Variants in MSH4 observed in about 807,000 individuals in gnomAD.
MSH4 encodes mutS protein homolog 4.
In MSH4, 106 loss-of-function variants were observed where a neutral mutation model predicts 113.7. The observed-to-expected ratio is 0.93, with a 90% CI of 0.80 to 1.10. MSH4 has a LOEUF of 1.10. Ranked by LOEUF, MSH4 falls within the 50% of genes least tolerant of loss-of-function variation. The pLI is 0.00. For missense variants in MSH4, 1,061 were observed against 1,093.7 expected, an observed-to-expected ratio of 0.97 and a Z score of 0.42; for synonymous variants, 368 against 380.2, an observed-to-expected ratio of 0.97 and a Z score of 0.37.
chr1:75,796,882 G>A lies in MSH4; in HGVS notation c.-104G>A, dbSNP rs935099079. 6.5e-7 allele frequency: 1 copy of A among 1,527,498 alleles called. No individual in the cohort carries two copies. The highest frequency in any genetic ancestry group is 8.9e-7 in the Non-Finnish European group (1 of 1,122,174). 94.6% of individuals were successfully genotyped at this position (1,527,498 alleles called of 1,614,324 possible). ...GCGCAGTGCAGCTTAGTGCGTCGGC[G>A]CGCAGTTCTCCCGCCCGTTTCAGCG... On this transcript the variant is annotated 5_prime_UTR_variant, in exon 1 of 20. Transcript: ENST00000263187.
At chr1:75,814,283 T>A (rs1001914355) in intron 4 of MSH4, among the ~76,000 whole-genome samples, 2 of 114,114 alleles carry the variant, frequency 1.8e-5, no homozygotes, top group Middle Eastern at 7.9e-3. Flanking sequence ...TGAGAACTTA[T>A]CTCTGCTCAA....
rs1570945376 is a variant in MSH4, at chr1:75,816,389, G to A, written c.832G>A (p.Ala278Thr). The A allele has an allele frequency of 6.2e-7, 1 of 1,602,556 alleles. No individual in the cohort carries two copies. The highest frequency in any genetic ancestry group is 8.5e-7 in the Non-Finnish European group (1 of 1,173,056). The change falls in exon 6 of 20, where the codon GCT (alanine) becomes ACT (threonine). Residue 278 changes from alanine (A) to threonine (T), a missense_variant. Transcript: ENST00000263187. The stretch of plus-strand genomic sequence containing the variant: ...ATCTTTTAGGTATTACTGCCTTGCA[G>A]CTGTTGCAGCTTTGTTAAAATATGT... ...EVQSKYYCLAAVAALLKYVEF... is the reference protein window; with the variant it reads ...EVQSKYYCLATVAALLKYVEF...
chr1:75,876,741 T>G (rs1651825503), intron 9 of MSH4, among the ~76,000 whole-genome samples, 195 bp from the exon 10 acceptor site: 2 of 152,188 alleles, frequency 1.3e-5, no homozygotes, highest in African/African-American at 4.8e-5. Context: ...ATTAGCCATG[T>G]ACTCTTTATT....
chr1:75,832,642 C>A (rs1047984384), intron 7 of MSH4, among the ~76,000 whole-genome samples: 3 of 152,060 alleles, frequency 2.0e-5, no homozygotes, highest in South Asian at 4.1e-4. Context: ...TACTTTGAAG[C>A]AATATACGTA....
chr1:75,882,533 CT>C (rs1292380817), intron 14 of MSH4, among the ~76,000 whole-genome samples: 1 of 151,744 alleles, frequency 6.6e-6, no homozygotes. Context: ...CTGAAATTTC[CT>C]TTTATACAAA....
In MSH4 at chr1:75,796,884, GCAGTTCTCCCGCCCGTTT is replaced by G. The variant is rs1315795094; in HGVS notation, c.-98_-81del. On this transcript the variant is annotated 5_prime_UTR_variant, in exon 1 of 20. Transcript: ENST00000263187. ...GCAGTGCAGCTTAGTGCGTCGGCGC[GCAGTTCTCCCGCCCGTTT>G]CAGCGGCGCAGCTTCTGTAGTTGGG... 14 of 1,535,338 alleles carry G rather than the reference GCAGTTCTCCCGCCCGTTT, an allele frequency of 9.1e-6. No homozygotes were observed. The highest frequency in any genetic ancestry group is 1.2e-5 in the Non-Finnish European group (14 of 1,128,904).
chr1:75,907,684 C>CTCTCTCTACATA (rs1307238647), intron 19 of MSH4, among the ~76,000 whole-genome samples: 1 of 46,576 alleles, frequency 2.1e-5, no homozygotes, highest in African/African-American at 9.9e-5. Flanking sequence ...CTCTCTCTCT[C>CTCTCTCTACATA]TATACATATA....
chr1:75,889,006 T>C (rs1168134450), intron 15 of MSH4, among the ~76,000 whole-genome samples: 1 of 151,574 alleles, frequency 6.6e-6, no homozygotes, highest in Non-Finnish European at 1.5e-5. Context: ...GCCATTCTCC[T>C]GCCTCAGCCT....
At chr1:75,863,381 T>A (rs1428052846) in intron 8 of MSH4, among the ~76,000 whole-genome samples, 1 of 152,194 alleles carries the variant, frequency 6.6e-6, no homozygotes, top group Non-Finnish European at 1.5e-5. Flanking sequence ...GTTTCATAGA[T>A]GCTGACAGAA....
chr1:75,907,689 C>CATATAT lies in MSH4; in HGVS notation c.2620-4982_2620-4977dup, dbSNP rs71071973. ...CTCTCTCTCTCTCTCTCTCTCTATA[C>CATATAT]ATATATATATATATATATATATATA... On this transcript the variant is annotated intron_variant, in intron 19 of 19. Coordinates refer to ENST00000263187, the MANE Select transcript of MSH4 (RefSeq NM_002440.4). 1.9e-3 allele frequency among the ~76,000 whole-genome samples: 146 copies of CATATAT among 78,606 alleles called. 2 individuals carry two copies. The highest frequency in any genetic ancestry group is 3.2e-3 in the African/African-American group (55 of 17,086). The allele number at this position is 78,606 out of a possible 152,430, so 51.6% of individuals were successfully genotyped here. A position where few individuals can be genotyped will look rare whatever the true frequency, so the allele number is the denominator to read the frequency against.
intron 1 of MSH4, among the ~76,000 whole-genome samples, chr1:75,799,026 CTAATCTTT>C (rs1299387151): frequency 1.3e-5 from 2 of 152,220 alleles, no homozygotes; most frequent in Non-Finnish European, 2.9e-5. Context: ...GGATCGGTTT[CTAATCTTT>C]ACAGATTTAT....
chr1:75,888,359 C>T (rs1179849822), intron 15 of MSH4, among the ~76,000 whole-genome samples: 1 of 151,760 alleles, frequency 6.6e-6, no homozygotes, highest in African/African-American at 2.4e-5. Context: ...TATATTGAGA[C>T]TGGTGCATTA....
intron 2 of MSH4, among the ~76,000 whole-genome samples, chr1:75,805,387 T>G (rs1188420903): frequency 6.7e-6 from 1 of 149,428 alleles, no homozygotes; most frequent in African/African-American, 2.4e-5. Context: ...TTTTTTGTTT[T>G]TTTTTTTTTT....
chr1:75,897,969 T>A lies in MSH4; in HGVS notation c.2418T>A (p.Asn806Lys), dbSNP rs1450585128. The change falls in exon 18 of 20, where the codon AAT becomes AAA. Residue 806 changes from asparagine (N) to lysine (K), a missense_variant. Coordinates refer to ENST00000263187, the MANE Select transcript of MSH4 (RefSeq NM_002440.4). ...ELCHIDALYPNVENMHFEVQH... is the reference protein window; with the variant it reads ...ELCHIDALYPKVENMHFEVQH... ...GCCATATTGATGCCCTGTATCCTAA[T>A]GTAGAAAACATGCATTTTGAAGTTC... 1 of 1,606,352 alleles carries A rather than the reference T, an allele frequency of 6.2e-7. No individual in the cohort carries two copies. Among genetic ancestry groups the A allele is most frequent in the Admixed American group, 1.7e-5 (1 of 59,178 alleles).
At chr1:75,798,206 G>T (rs978357200) in intron 1 of MSH4, among the ~76,000 whole-genome samples, 1 of 152,108 alleles carries the variant, frequency 6.6e-6, no homozygotes, top group African/African-American at 2.4e-5. Context: ...AAGTGCTCCT[G>T]CCTCGGTCTG....
intron 1 of MSH4, among the ~76,000 whole-genome samples, chr1:75,798,188 C>T (rs1301234884): frequency 1.3e-5 from 2 of 152,174 alleles, no homozygotes; most frequent in African/African-American, 4.8e-5. Flanking sequence ...TCTCAAACTC[C>T]TGGTCTCAAG....
At chr1:75,809,627 C>A (rs1019958480) in intron 3 of MSH4, among the ~76,000 whole-genome samples, 1 of 117,500 alleles carries the variant, frequency 8.5e-6, no homozygotes, top group African/African-American at 3.2e-5. Context: ...GCCATAGTTA[C>A]CCTTTTTTTT....
At chr1:75,894,104 C>G (rs1652320289) in intron 17 of MSH4, among the ~76,000 whole-genome samples, 1 of 152,118 alleles carries the variant, frequency 6.6e-6, no homozygotes, top group Non-Finnish European at 1.5e-5. Flanking sequence ...TTGAAGAGCT[C>G]TGTTGTCACT....
chr1:75,881,990 A>G (rs1188257344), intron 14 of MSH4, among the ~76,000 whole-genome samples: 1 of 152,088 alleles, frequency 6.6e-6, no homozygotes, highest in African/African-American at 2.4e-5. Flanking sequence ...ATAATTGTAG[A>G]CTTCATTACA....
Sources: gnomAD v4.1 joint callset for allele counts (sites outside exome capture counted in the v4.1 genomes callset) on GRCh38, gnomAD v4.1.1 for gene constraint, MANE v1.5 for transcripts, NCBI Gene and HGNC (gene_info 2026-07-23, HGNC 2026-07-21) for gene names.